DLGAP2: variants seen among roughly 807,000 people sequenced by gnomAD.
DLGAP2 encodes the protein disks large-associated protein 2.
Under a neutral mutation model 100.3 loss-of-function variants are expected in DLGAP2, and 26 were observed. That is an observed-to-expected ratio of 0.26 (90% CI 0.19 to 0.36). The LOEUF (loss-of-function observed/expected upper bound fraction) is 0.36. Among genes scored for constraint, DLGAP2 ranks in the 10% least tolerant of loss-of-function variants. The pLI is 1.00. For synonymous variants in DLGAP2, 886 were observed against 630.1 expected, an observed-to-expected ratio of 1.41 and a Z score of -6.08; for missense variants, 1,858 against 1,453.2, an observed-to-expected ratio of 1.28 and a Z score of -4.53.
At chr8:1,635,811 C>A (rs768245523) in intron 8 of DLGAP2, among the ~76,000 whole-genome samples, 15 of 152,140 alleles carry the variant, frequency 9.9e-5, no homozygotes, top group Non-Finnish European at 1.8e-4. Context: ...ACATCTTAGA[C>A]CATCTGTTTT....
chr8:1,503,806 A>C (rs1462026229), intron 4 of DLGAP2, among the ~76,000 whole-genome samples: 1 of 152,158 alleles, frequency 6.6e-6, no homozygotes, highest in African/African-American at 2.4e-5. Context: ...GGAAAGAAGG[A>C]AATGAGAGAA....
chr8:1,173,134 G>C (rs1797166682), intron 2 of DLGAP2, among the ~76,000 whole-genome samples: 1 of 152,224 alleles, frequency 6.6e-6, no homozygotes, highest in South Asian at 2.1e-4. Flanking sequence ...GTTGGAGTTT[G>C]CTAGAGGTCC....
At chr8:1,095,143 C>T (rs1042490345) in intron 2 of DLGAP2, among the ~76,000 whole-genome samples, 1 of 152,130 alleles carries the variant, frequency 6.6e-6, no homozygotes, top group Admixed American at 6.5e-5. Context: ...TGGAGTGAGA[C>T]AGCCTGGTGC....
At chr8:797,087 T>G (rs1294199729) in intron 1 of DLGAP2, among the ~76,000 whole-genome samples, 1 of 152,216 alleles carries the variant, frequency 6.6e-6, no homozygotes, top group Non-Finnish European at 1.5e-5. Flanking sequence ...GAGTAACTTT[T>G]ATGCAATAAA....
intron 2 of DLGAP2, among the ~76,000 whole-genome samples, chr8:1,025,000 G>T (rs901260906): frequency 6.6e-6 from 1 of 152,068 alleles, no homozygotes; most frequent in African/African-American, 2.4e-5. Context: ...AAGAGTAGCC[G>T]TTCTCTCTCT....
At chr8:821,133 C>T (rs1022893833) in intron 1 of DLGAP2, among the ~76,000 whole-genome samples, 1 of 152,174 alleles carries the variant, frequency 6.6e-6, no homozygotes, top group Non-Finnish European at 1.5e-5. Context: ...AGCTAATTTT[C>T]TTACCTTATT....
intron 3 of DLGAP2, among the ~76,000 whole-genome samples, chr8:1,469,967 G>A (rs1318471839): frequency 3.3e-5 from 5 of 151,142 alleles, no homozygotes; most frequent in Non-Finnish European, 7.4e-5. Context: ...ATCAGCCTGG[G>A]CAACATAGGG....
At chr8:970,883 G>A (rs777579067) in intron 2 of DLGAP2, among the ~76,000 whole-genome samples, 9 of 152,126 alleles carry the variant, frequency 5.9e-5, no homozygotes, top group Admixed American at 2.0e-4. Flanking sequence ...CCTTGTTAAC[G>A]ATTATATACT....
At chr8:783,185 C>A (rs1323903933) in intron 1 of DLGAP2, among the ~76,000 whole-genome samples, 1 of 152,184 alleles carries the variant, frequency 6.6e-6, no homozygotes, top group Non-Finnish European at 1.5e-5. Flanking sequence ...GATATTAATA[C>A]ATGTGTCTTT....
intron 6 of DLGAP2, among the ~76,000 whole-genome samples, chr8:1,587,233 A>G (rs987919316): frequency 6.6e-6 from 1 of 152,194 alleles, no homozygotes; most frequent in Non-Finnish European, 1.5e-5. Context: ...GAACTATTTA[A>G]TTTCAGGAAA....
chr8:1,456,885 C>G (rs1353204179), intron 3 of DLGAP2, among the ~76,000 whole-genome samples: 1 of 152,272 alleles, frequency 6.6e-6, no homozygotes, highest in East Asian at 1.9e-4. Context: ...CCAGGGAGCT[C>G]TGTGATGCCG....
At chr8:1,021,836 C>A (rs1282452200) in intron 2 of DLGAP2, among the ~76,000 whole-genome samples, 2 of 152,102 alleles carry the variant, frequency 1.3e-5, no homozygotes, top group Non-Finnish European at 2.9e-5. Flanking sequence ...AGGCAGGCAC[C>A]GTCGGGTTCT....
At chr8:1,166,914 A>G (rs1480070710) in intron 2 of DLGAP2, among the ~76,000 whole-genome samples, 2 of 152,306 alleles carry the variant, frequency 1.3e-5, no homozygotes, top group African/African-American at 2.4e-5. Context: ...TGGGAGGCCA[A>G]GGTGAGAGGA....
At chr8:1,691,407 C>A (rs184261034) in intron 12 of DLGAP2, 128 bp from the exon 13 acceptor site, 69 of 742,436 alleles carry the variant, frequency 9.3e-5, no homozygotes, top group Non-Finnish European at 1.4e-4. Context: ...CGAACACGCT[C>A]GGCACGATGA....
chr8:921,824 C>T (rs551968701), intron 2 of DLGAP2, among the ~76,000 whole-genome samples: 5 of 152,334 alleles, frequency 3.3e-5, no homozygotes, highest in South Asian at 2.1e-4. Flanking sequence ...CCAAGGGAGC[C>T]GGGCCAGGGT....
At chr8:738,130 T>C in intron 1 of DLGAP2, 1 of 168,082 alleles carries the variant, frequency 5.9e-6, no homozygotes, top group East Asian at 1.7e-4. Flanking sequence ...TGTGAAATTC[T>C]CCGCTCTGCC....
rs944986270 is a variant in DLGAP2 at position 792,779 on chromosome 8, C to T, written c.18+54954C>T. 4.6e-5 allele frequency among the ~76,000 whole-genome samples: 7 copies of T among 152,088 alleles called. No individual in the cohort carries two copies. In the South Asian group the frequency reaches 6.2e-4, roughly 14 times the overall value. The stretch of plus-strand genomic sequence containing the variant: ...TGTAAGTTTTGAATGAAATAATAAC[C>T]GTTTTAATACTGAACCATCTTTTCA... On this transcript the variant is annotated intron_variant, in intron 1 of 14. Coordinates refer to ENST00000637795, the MANE Select transcript of DLGAP2 (RefSeq NM_001346810.2).
chr8:1,701,476 T>C lies in DLGAP2; in HGVS notation c.*70T>C, dbSNP rs558698432. On this transcript the variant is annotated 3_prime_UTR_variant, in exon 15 of 15. Coordinates refer to ENST00000637795, the MANE Select transcript of DLGAP2 (RefSeq NM_001346810.2). ...ACGCTTGTGCAGCGCGGCGCCGCCC[T>C]GGTGGTTTCTGTCTCCTCCTCCCGC... 2,795 of 1,451,148 alleles carry C rather than the reference T, an allele frequency of 1.9e-3. 5 individuals carry two copies. Among genetic ancestry groups the C allele is most frequent in the Non-Finnish European group, 2.2e-3 (2,350 of 1,081,664 alleles). 89.9% of individuals were successfully genotyped at this position (1,451,148 alleles called of 1,614,324 possible).
intron 2 of DLGAP2, among the ~76,000 whole-genome samples, chr8:949,674 G>A (rs778595941): frequency 6.6e-6 from 1 of 152,126 alleles, no homozygotes; most frequent in African/African-American, 2.4e-5. Context: ...ACATGTCCTC[G>A]TTCCCACCCC....
Sources: allele counts gnomAD v4.1 joint callset (sites outside exome capture counted in the v4.1 genomes callset), GRCh38; gene constraint gnomAD v4.1.1; transcripts MANE v1.5; gene names NCBI Gene and HGNC (gene_info 2026-07-23, HGNC 2026-07-21).